The following PCCB variants were observed in gnomAD, a reference collection of about 807,000 sequenced individuals.
The protein encoded by PCCB is propionyl-CoA carboxylase subunit beta.
A neutral mutation model predicts 60.7 loss-of-function variants in PCCB; 43 were observed. The observed-to-expected ratio is 0.71, with a 90% CI of 0.55 to 0.91. The LOEUF (loss-of-function observed/expected upper bound fraction) is 0.91. PCCB is among the 40% of genes least tolerant of loss of function. The pLI is 0.00. For synonymous variants in PCCB, 276 were observed against 255.9 expected (o/e 1.08, Z -0.75); for missense variants, 766 against 702.8 (o/e 1.09, Z -1.02).
chr3:136,254,413 G>A (rs1483902171), intron 1 of PCCB, among the ~76,000 whole-genome samples: 2 of 148,998 alleles, frequency 1.3e-5, no homozygotes, highest in Non-Finnish European at 3.0e-5. Flanking sequence ...GTAGAGATAG[G>A]GTTTCGCCGT....
intron 1 of PCCB, among the ~76,000 whole-genome samples, chr3:136,251,984 TCTC>T (rs1317424686): frequency 6.6e-6 from 1 of 151,996 alleles, no homozygotes; most frequent in Admixed American, 6.6e-5. Flanking sequence ...TTCAAGCTAT[TCTC>T]CTGCCTCAGC....
At chr3:136,280,437 C>T (rs1320458321) in intron 5 of PCCB, among the ~76,000 whole-genome samples, 4 of 152,164 alleles carry the variant, frequency 2.6e-5, no homozygotes, top group Non-Finnish European at 5.9e-5. Context: ...ACTCTGCCTG[C>T]CAGGCTCAAA....
chr3:136,309,462 A>G (rs1453872948), intron 9 of PCCB, among the ~76,000 whole-genome samples: 3 of 152,176 alleles, frequency 2.0e-5, no homozygotes, highest in Non-Finnish European at 2.9e-5. Context: ...AAGCAGAAGT[A>G]TGAAGTGAGA....
chr3:136,299,862 A>C (rs147690346), intron 8 of PCCB, among the ~76,000 whole-genome samples: 2 of 151,516 alleles, frequency 1.3e-5, no homozygotes, highest in South Asian at 4.2e-4. Context: ...ATGCATATGT[A>C]TGTATATGCA....
chr3:136,264,997 C>T (rs980664087), intron 5 of PCCB, among the ~76,000 whole-genome samples: 3 of 151,808 alleles, frequency 2.0e-5, no homozygotes, highest in African/African-American at 7.3e-5. Context: ...AGTTCAAGAC[C>T]AGCCTGGCCA....
intron 5 of PCCB, among the ~76,000 whole-genome samples, chr3:136,280,874 A>G (rs1185030444): frequency 6.6e-6 from 1 of 152,164 alleles, no homozygotes; most frequent in Non-Finnish European, 1.5e-5. Flanking sequence ...GGCTGGTCTC[A>G]AACTCTTGGC....
intron 5 of PCCB, among the ~76,000 whole-genome samples, chr3:136,269,196 G>A (rs191620420): frequency 6.6e-5 from 10 of 152,194 alleles, no homozygotes; most frequent in East Asian, 1.9e-4. Flanking sequence ...CAGGAGAATC[G>A]CTTGAATCCA....
intron 9 of PCCB, among the ~76,000 whole-genome samples, chr3:136,313,799 T>C (rs923471308): frequency 6.6e-6 from 1 of 152,220 alleles, no homozygotes; most frequent in Non-Finnish European, 1.5e-5. Flanking sequence ...GGTCTGTTTT[T>C]TGTAGCTAAG....
chr3:136,293,897 C>G (rs770797106), intron 7 of PCCB, 33 bp downstream of exon 7: 9 of 1,273,760 alleles, frequency 7.1e-6, no homozygotes, highest in Non-Finnish European at 1.0e-5. Context: ...TTGTTGTTTT[C>G]AAACATTGAG....
intron 10 of PCCB, among the ~76,000 whole-genome samples, 158 bp from the exon 11 acceptor site, chr3:136,326,645 T>G (rs909447723): frequency 2.0e-5 from 3 of 152,206 alleles, no homozygotes; most frequent in East Asian, 1.9e-4. Context: ...CTTCCCTGTT[T>G]CCTGGAGTTT....
chr3:136,259,590 C>T (rs1325185858), intron 3 of PCCB, among the ~76,000 whole-genome samples: 1 of 152,142 alleles, frequency 6.6e-6, no homozygotes, highest in African/African-American at 2.4e-5. Context: ...AACTGCAAAT[C>T]ATTTCTTTTT....
intron 6 of PCCB, among the ~76,000 whole-genome samples, chr3:136,292,593 A>G (rs1207404945): frequency 6.6e-6 from 1 of 152,270 alleles, no homozygotes; most frequent in African/African-American, 2.4e-5. Flanking sequence ...ATGGAATAGA[A>G]TGATCTTCAA....
intron 7 of PCCB, among the ~76,000 whole-genome samples, chr3:136,296,947 T>C (rs1289626210): frequency 6.6e-6 from 1 of 152,246 alleles, no homozygotes; most frequent in Non-Finnish European, 1.5e-5. Context: ...ATATGGGGCT[T>C]ATATTCTAGT....
At chr3:136,304,010 A>C (rs1934374782) in intron 9 of PCCB, among the ~76,000 whole-genome samples, 1 of 122,186 alleles carries the variant, frequency 8.2e-6, no homozygotes, top group Non-Finnish European at 1.8e-5. Flanking sequence ...GGAGGCTAGA[A>C]GTCCAAGATC....
intron 5 of PCCB, 22 bp downstream of exon 5, chr3:136,262,087 A>G (rs1559998837): frequency 7.0e-7 from 1 of 1,429,734 alleles, no homozygotes; most frequent in South Asian, 1.2e-5. Flanking sequence ...GTTAATAGAG[A>G]ATAAAAAAAT....
chr3:136,329,898 T>C lies in PCCB; in HGVS notation c.1499-7T>C. 1 of 1,614,124 alleles carries C rather than the reference T, an allele frequency of 6.2e-7. No individual in the cohort carries two copies. The highest frequency in any genetic ancestry group is 8.5e-7 in the Non-Finnish European group (1 of 1,179,972). Reference sequence around the variant, plus strand: ...GATGATCCACTCCCTTTTCTGTGCTTCACCAGGGTTTGTGGATGACATCAT... The same window carrying C: ...GATGATCCACTCCCTTTTCTGTGCTCCACCAGGGTTTGTGGATGACATCAT... On this transcript the variant is annotated splice_region_variant and splice_polypyrimidine_tract_variant and intron_variant, in intron 14 of 14. Transcript: ENST00000251654.
At chr3:136,313,483 G>A (rs76069077) in intron 9 of PCCB, among the ~76,000 whole-genome samples, 1,898 of 152,228 alleles carry the variant, frequency 0.012, 31 homozygotes, top group East Asian at 0.047. Flanking sequence ...AAGAGTGTCT[G>A]TACTGTTACT....
chr3:136,304,852 T>C (rs1209769724), intron 9 of PCCB, among the ~76,000 whole-genome samples: 2 of 116,574 alleles, frequency 1.7e-5, no homozygotes, highest in Non-Finnish European at 3.8e-5. Flanking sequence ...CCACCACGCT[T>C]GGCTAATTTT....
At chr3:136,322,202 T>G (rs1255961682) in intron 10 of PCCB, among the ~76,000 whole-genome samples, 1 of 152,206 alleles carries the variant, frequency 6.6e-6, no homozygotes, top group African/African-American at 2.4e-5. Flanking sequence ...ACATGCTTTT[T>G]TTGTATTCAT....
Sources: gnomAD v4.1 joint callset for allele counts (sites outside exome capture counted in the v4.1 genomes callset) on GRCh38, gnomAD v4.1.1 for gene constraint, MANE v1.5 for transcripts, NCBI Gene and HGNC (gene_info 2026-07-23, HGNC 2026-07-21) for gene names.